Variants in FAM53B observed in about 807,000 individuals in gnomAD.
FAM53B encodes the protein family with sequence similarity 53 member B.
Under a neutral mutation model 32.7 loss-of-function variants are expected in FAM53B, and 12 were observed. That is an observed-to-expected ratio of 0.37 (90% CI 0.24 to 0.59). FAM53B has a LOEUF of 0.59. FAM53B is among the 20% of genes least tolerant of loss of function. FAM53B has a pLI of 0.72. For synonymous variants in FAM53B, 234 were observed against 228.7 expected (o/e 1.02, Z -0.21); for missense variants, 477 against 577.7 (o/e 0.83, Z 1.79).
rs1045644648 is a variant in FAM53B at position 124,736,255 on chromosome 10, C to T, written c.-175+7758G>A. ...GGGCAAATTAGGTCCAGCAAGTAGGCAGTCTGTGCCCACTACCTTCCAGCC... is the reference window on the plus strand; with the variant it reads ...GGGCAAATTAGGTCCAGCAAGTAGGTAGTCTGTGCCCACTACCTTCCAGCC... On this transcript the variant is annotated intron_variant, in intron 1 of 4. Transcript: ENST00000337318. Among the ~76,000 whole-genome samples, 7 of 152,264 alleles carry T rather than the reference C, an allele frequency of 4.6e-5. No individual in the cohort carries two copies. In the South Asian group the frequency reaches 8.3e-4, roughly 18 times the overall value.
At chr10:124,722,350 GAA>G (rs1257435825) in intron 1 of FAM53B, among the ~76,000 whole-genome samples, 2 of 152,012 alleles carry the variant, frequency 1.3e-5, no homozygotes, top group African/African-American at 4.8e-5. Flanking sequence ...TTAAAAAAAA[GAA>G]GGCTTTGGGA....
rs1214530550 is a variant in FAM53B at position 124,622,389 on chromosome 10, G to A, written c.*853C>T. 6.6e-6 allele frequency: 1 copy of A among 152,238 alleles called. No homozygotes were observed. The highest frequency in any genetic ancestry group is 1.9e-4 in the East Asian group (1 of 5,190). 9.4% of individuals were successfully genotyped at this position (152,238 alleles called of 1,614,324 possible). A position where few individuals can be genotyped will look rare whatever the true frequency, so the allele number is the denominator to read the frequency against. On this transcript the variant is annotated 3_prime_UTR_variant, in exon 5 of 5. Coordinates refer to ENST00000337318, the MANE Select transcript of FAM53B (RefSeq NM_014661.4). ...CCCTACACTCACCGGAACCAACCATGCTTATCACTCAGTGACCTGTCAGCC... is the reference window on the plus strand; with the variant it reads ...CCCTACACTCACCGGAACCAACCATACTTATCACTCAGTGACCTGTCAGCC...
chr10:124,706,791 C>T lies in FAM53B; in HGVS notation c.-78G>A. 1.2e-6 allele frequency: 2 copies of T among 1,603,718 alleles called. No individual in the cohort carries two copies. The highest frequency in any genetic ancestry group is 1.1e-5 in the South Asian group (1 of 90,738). ...CACTTGGGCAGACTTGGGGTGAGTA[C>T]CTCCTGGGGAATTGATGTCAGCAGA... On this transcript the variant is annotated 5_prime_UTR_variant, in exon 2 of 5. Coordinates refer to ENST00000337318, the MANE Select transcript of FAM53B (RefSeq NM_014661.4).
chr10:124,712,192 T>TA (rs1194984859), intron 1 of FAM53B, among the ~76,000 whole-genome samples: 4 of 151,858 alleles, frequency 2.6e-5, no homozygotes, highest in African/African-American at 9.7e-5. Context: ...CCAACTCTAC[T>TA]AAAAAATGCA....
At chr10:124,695,973 A>T (rs1949866589) in intron 3 of FAM53B, among the ~76,000 whole-genome samples, 185 bp downstream of exon 3, 1 of 152,214 alleles carries the variant, frequency 6.6e-6, no homozygotes. Flanking sequence ...TAAACCACAC[A>T]CCAGTGCCTG....
intron 1 of FAM53B, among the ~76,000 whole-genome samples, chr10:124,710,133 G>A (rs1949991001): frequency 6.6e-6 from 1 of 152,220 alleles, no homozygotes; most frequent in Non-Finnish European, 1.5e-5. Context: ...GCACGCAGAG[G>A]GCACAGCAGC....
In FAM53B at chr10:124,622,870, A is replaced by C; in HGVS notation, c.*372T>G. On this transcript the variant is annotated 3_prime_UTR_variant, in exon 5 of 5. Coordinates refer to ENST00000337318, the MANE Select transcript of FAM53B (RefSeq NM_014661.4). ...GCCCCCACCCCAGGCCCTCCCTGAC[A>C]GCCCCCACCACCAGGGGGATACAGA... 1.7e-5 allele frequency: 3 copies of C among 173,706 alleles called. No individual in the cohort carries two copies. The highest frequency in any genetic ancestry group is 1.6e-4 in the South Asian group (1 of 6,426). The allele number at this position is 173,706 out of a possible 1,614,324, so 10.8% of individuals were successfully genotyped here. A position where few individuals can be genotyped will look rare whatever the true frequency, so the allele number is the denominator to read the frequency against.
chr10:124,702,084 C>T (rs2134081916), intron 2 of FAM53B, among the ~76,000 whole-genome samples: 1 of 152,270 alleles, frequency 6.6e-6, no homozygotes, highest in South Asian at 2.1e-4. Flanking sequence ...CACATTGAGA[C>T]TTTCCCGCTC....
At chr10:124,630,048 C>CAGA (rs1949380593) in intron 4 of FAM53B, among the ~76,000 whole-genome samples, 1 of 152,238 alleles carries the variant, frequency 6.6e-6, no homozygotes, top group African/African-American at 2.4e-5. Context: ...TCTTCTGCTG[C>CAGA]TGCCCAGCCA....
In FAM53B at chr10:124,733,463, G is replaced by C. The variant is rs896339272; in HGVS notation, c.-175+10550C>G. Among the ~76,000 whole-genome samples, 1 of 152,300 alleles carries C rather than the reference G, an allele frequency of 6.6e-6. No individual in the cohort carries two copies. The highest frequency in any genetic ancestry group is 2.4e-5 in the African/African-American group (1 of 41,574). On this transcript the variant is annotated intron_variant, in intron 1 of 4. Coordinates refer to ENST00000337318, the MANE Select transcript of FAM53B (RefSeq NM_014661.4). The surrounding 1 kb of genome is among the most constrained non-coding windows in gnomAD (Gnocchi z 4.3). ...AGAACAGGCTATGACAGAGCCCAGG[G>C]GGCACCGAAGCTCCCTCTTCCATCG...
Position 124,637,152 on chromosome 10 carries a change from T to C in FAM53B, c.907-13548A>G, listed in dbSNP as rs1351171313. ...CCACTCGAGAGGGCCCCCTTGGAAA[T>C]GGGGTCTAGATGCACCTCTGGGGAC... On this transcript the variant is annotated intron_variant, in intron 4 of 4. Coordinates refer to ENST00000337318, the MANE Select transcript of FAM53B (RefSeq NM_014661.4). Among the ~76,000 whole-genome samples, 69 of 151,946 alleles carry C rather than the reference T, an allele frequency of 4.5e-4. 1 individual carries two copies. The highest frequency in any genetic ancestry group is 4.5e-3 in the Admixed American group (68 of 15,262).
chr10:124,696,729 G>A (rs1004920044), intron 2 of FAM53B, among the ~76,000 whole-genome samples: 6 of 152,240 alleles, frequency 3.9e-5, no homozygotes, highest in Non-Finnish European at 5.9e-5. Flanking sequence ...AAGGGCTGGC[G>A]TCTGCTCTGC....
chr10:124,682,455 C>A lies in FAM53B; in HGVS notation c.134-76G>T, dbSNP rs1949779753. The A allele has an allele frequency of 2.3e-6, 3 of 1,304,158 alleles. No individual in the cohort carries two copies. The South Asian group carries it at 4.2e-5, about 18-fold the overall frequency. The allele number at this position is 1,304,158 out of a possible 1,614,324, so 80.8% of individuals were successfully genotyped here. On this transcript the variant is annotated intron_variant, in intron 3 of 4. Coordinates refer to ENST00000337318, the MANE Select transcript of FAM53B (RefSeq NM_014661.4). This position sits in a 1 kb window ranked among gnomAD's most constrained non-coding sequence, Gnocchi z 5.2. Reference sequence around the variant, plus strand: ...CAGCCCTTTATTATCTCCACACCAACAGCCCGTTTCAAACACAGTATCTTA... The same window carrying A: ...CAGCCCTTTATTATCTCCACACCAAAAGCCCGTTTCAAACACAGTATCTTA...
At chr10:124,741,486 A>T (rs1950199114) in intron 1 of FAM53B, among the ~76,000 whole-genome samples, 1 of 152,190 alleles carries the variant, frequency 6.6e-6, no homozygotes, top group Admixed American at 6.5e-5. Context: ...CCAGCTCCTA[A>T]TATTTAAACA....
chr10:124,700,577 GAGA>G (rs1229365675), intron 2 of FAM53B, among the ~76,000 whole-genome samples: 1 of 152,176 alleles, frequency 6.6e-6, no homozygotes, highest in African/African-American at 2.4e-5. Context: ...CAGATCACGA[GAGA>G]AGGTTTTTGG....
intron 3 of FAM53B, among the ~76,000 whole-genome samples, chr10:124,695,661 G>A (rs1365825784): frequency 2.0e-5 from 3 of 152,184 alleles, no homozygotes; most frequent in Admixed American, 6.5e-5. Flanking sequence ...ATGCGGTACT[G>A]TAGACCATTA....
chr10:124,695,317 T>C (rs1431372266), intron 3 of FAM53B, among the ~76,000 whole-genome samples: 1 of 152,118 alleles, frequency 6.6e-6, no homozygotes, highest in Non-Finnish European at 1.5e-5. Context: ...GGTCAAACAA[T>C]GCCCAATCAT....
chr10:124,645,057 G>A (rs1194670254), intron 4 of FAM53B, among the ~76,000 whole-genome samples: 1 of 152,244 alleles, frequency 6.6e-6, no homozygotes, highest in East Asian at 1.9e-4. Flanking sequence ...TCACCTTGGG[G>A]ACCGCAGCAA....
intron 4 of FAM53B, 131 bp downstream of exon 4, chr10:124,681,476 T>TA: frequency 1.3e-6 from 1 of 784,510 alleles, no homozygotes; most frequent in African/African-American, 1.7e-5. Flanking sequence ...GAATAGGATT[T>TA]AAAAAAACAA....
Sources: gnomAD v4.1 joint callset for allele counts (sites outside exome capture counted in the v4.1 genomes callset) on GRCh38, gnomAD v4.1.1 for gene constraint, Gnocchi (gnomAD v3.1) non-coding constraint, MANE v1.5 for transcripts, NCBI Gene and HGNC (gene_info 2026-07-23, HGNC 2026-07-21) for gene names.